KHDRBS2: variants seen among roughly 807,000 people sequenced by gnomAD.
KHDRBS2 encodes the protein KH RNA binding domain containing, signal transduction associated 2.
KHDRBS2 carries 26 observed loss-of-function variants against 44.3 expected under a neutral mutation model. The observed-to-expected ratio is 0.59, with a 90% confidence interval of 0.43 to 0.81. The LOEUF is 0.81. Ranked by LOEUF, KHDRBS2 falls within the 40% of genes least tolerant of loss-of-function variation. The pLI, the probability that KHDRBS2 is intolerant of heterozygous loss-of-function variation, is 0.00. For missense variants in KHDRBS2, 476 were observed against 433.1 expected (o/e 1.10, Z -0.88); for synonymous variants, 194 against 151.1 (o/e 1.28, Z -2.08).
chr6:61,548,633 G>C, the KHDRBS2 span, among the ~76,000 whole-genome samples: 1 of 152,056 alleles, frequency 6.6e-6, no homozygotes, highest in Non-Finnish European at 1.5e-5. Flanking sequence ...AATAATATTT[G>C]ATTCATTTTA....
At chr6:61,757,531 C>T (rs1215567105) in intron 6 of KHDRBS2, among the ~76,000 whole-genome samples, 1 of 152,042 alleles carries the variant, frequency 6.6e-6, no homozygotes, top group African/African-American at 2.4e-5. Context: ...TTCAAAGTGA[C>T]AATCTATGGG....
the KHDRBS2 span, among the ~76,000 whole-genome samples, chr6:61,571,198 C>A: frequency 1.3e-5 from 2 of 152,070 alleles, no homozygotes; most frequent in East Asian, 3.9e-4. Context: ...TAATGACTCA[C>A]ATAAACTTAT....
Position 61,680,913 on chromosome 6 carries a change from CCA to C in KHDRBS2, c.*48_*49del, listed in dbSNP as rs780525322. ...TGTCTTGTTGCTGTTTATGTGGAGA[CCA>C]CAGGCTATGAATTGTCTTTGAGGTG... On this transcript the variant is annotated 3_prime_UTR_variant, in exon 9 of 9. Coordinates refer to ENST00000281156, the MANE Select transcript of KHDRBS2 (RefSeq NM_152688.4). 8.3e-7 allele frequency: 1 copy of C among 1,199,400 alleles called. No homozygotes were observed. The highest frequency in any genetic ancestry group is 1.3e-5 in the South Asian group (1 of 79,888). 74.3% of individuals were successfully genotyped at this position (1,199,400 alleles called of 1,614,324 possible). A position where few individuals can be genotyped will look rare whatever the true frequency, so the allele number is the denominator to read the frequency against.
chr6:62,197,473 G>C (rs1825938302), intron 1 of KHDRBS2, among the ~76,000 whole-genome samples: 1 of 152,064 alleles, frequency 6.6e-6, no homozygotes, highest in South Asian at 2.1e-4. Flanking sequence ...TGCTTCTATG[G>C]ATAATGGGTC....
intron 7 of KHDRBS2, among the ~76,000 whole-genome samples, chr6:61,725,470 C>T (rs1459132288): frequency 1.3e-5 from 2 of 151,898 alleles, no homozygotes; most frequent in Non-Finnish European, 2.9e-5. Flanking sequence ...GAGATAGAGA[C>T]ATGAAAATCC....
chr6:62,044,762 A>C (rs1029415029), intron 3 of KHDRBS2, among the ~76,000 whole-genome samples: 7 of 152,080 alleles, frequency 4.6e-5, no homozygotes, highest in African/African-American at 1.2e-4. Flanking sequence ...TGGCAGTTGC[A>C]TGTTGAACTT....
intron 1 of KHDRBS2, among the ~76,000 whole-genome samples, chr6:62,270,612 G>A (rs542657812): frequency 5.1e-4 from 77 of 151,918 alleles, no homozygotes; most frequent in African/African-American, 1.7e-3. Flanking sequence ...ACTTTGCCAC[G>A]GGTATTGTTC....
At chr6:62,200,548 C>T (rs1826736149) in intron 1 of KHDRBS2, among the ~76,000 whole-genome samples, 1 of 152,136 alleles carries the variant, frequency 6.6e-6, no homozygotes, top group Admixed American at 6.6e-5. Flanking sequence ...CCATCTCACA[C>T]CAGTTAGAAT....
intron 6 of KHDRBS2, among the ~76,000 whole-genome samples, chr6:61,850,824 C>A (rs9445504): frequency 0.16 from 23,942 of 151,938 alleles, 2,456 homozygotes; most frequent in East Asian, 0.28. Flanking sequence ...CTAAGAGAAC[C>A]AACAGGACAA....
chr6:62,100,500 C>T (rs1801616718), intron 2 of KHDRBS2, among the ~76,000 whole-genome samples: 1 of 152,160 alleles, frequency 6.6e-6, no homozygotes, highest in Non-Finnish European at 1.5e-5. Flanking sequence ...AGAAACATTT[C>T]ATAAGAGGAA....
At chr6:61,955,240 G>C (rs1394586141) in intron 4 of KHDRBS2, among the ~76,000 whole-genome samples, 1 of 143,722 alleles carries the variant, frequency 7.0e-6, no homozygotes, top group African/African-American at 2.5e-5. Context: ...ACATACGTAT[G>C]TATGTATACA....
chr6:61,690,455 A>G (rs1282409961), intron 8 of KHDRBS2, among the ~76,000 whole-genome samples: 1 of 152,034 alleles, frequency 6.6e-6, no homozygotes, highest in Non-Finnish European at 1.5e-5. Flanking sequence ...TAAAAAAATA[A>G]AAAACACCTT....
the KHDRBS2 span, among the ~76,000 whole-genome samples, chr6:61,557,106 A>T: frequency 6.6e-6 from 1 of 152,154 alleles, no homozygotes; most frequent in Non-Finnish European, 1.5e-5. Flanking sequence ...CACCTGAAAT[A>T]GTCTTGGGAC....
At chr6:61,622,464 G>T in the KHDRBS2 span, among the ~76,000 whole-genome samples, 1 of 152,192 alleles carries the variant, frequency 6.6e-6, no homozygotes, top group African/African-American at 2.4e-5. Flanking sequence ...AGATTCAAGA[G>T]AGTGCCGATA....
the KHDRBS2 span, among the ~76,000 whole-genome samples, chr6:61,552,717 A>C: frequency 1.3e-5 from 2 of 152,146 alleles, no homozygotes; most frequent in Admixed American, 1.3e-4. Context: ...AGGGATGTTG[A>C]ATTTTATCAA....
chr6:61,857,621 T>C (rs1331518562), intron 6 of KHDRBS2, among the ~76,000 whole-genome samples: 3 of 151,910 alleles, frequency 2.0e-5, no homozygotes, highest in Admixed American at 2.0e-4. Context: ...GAAAAAGCCA[T>C]GTTAGCAACA....
chr6:61,836,355 C>G (rs754569351), intron 6 of KHDRBS2, among the ~76,000 whole-genome samples: 5 of 152,044 alleles, frequency 3.3e-5, no homozygotes, highest in Middle Eastern at 3.4e-3. Flanking sequence ...CCATGTAAGA[C>G]AAGTTTCATA....
At chr6:61,754,848 C>T (rs1483221108) in intron 6 of KHDRBS2, among the ~76,000 whole-genome samples, 3 of 152,042 alleles carry the variant, frequency 2.0e-5, no homozygotes, top group Admixed American at 1.3e-4. Context: ...TAAGGTGTTG[C>T]TCTGCTAAAA....
At chr6:62,174,165 G>C (rs1241709082) in intron 2 of KHDRBS2, among the ~76,000 whole-genome samples, 1 of 151,708 alleles carries the variant, frequency 6.6e-6, no homozygotes, top group Admixed American at 6.6e-5. Context: ...AAGCCCCATA[G>C]TCTCTTCTCA....
Sources: gnomAD v4.1 joint callset for allele counts (sites outside exome capture counted in the v4.1 genomes callset) on GRCh38, gnomAD v4.1.1 for gene constraint, MANE v1.5 for transcripts, NCBI Gene and HGNC (gene_info 2026-07-23, HGNC 2026-07-21) for gene names.